Variants in FGF13 observed in about 807,000 individuals in gnomAD.
The protein encoded by FGF13 is fibroblast growth factor 13, also known as fibroblast growth factor homologous factor 2.
FGF13 carries 2 observed loss-of-function variants against 19.5 expected under a neutral mutation model. The ratio of observed to expected loss-of-function variants is 0.10; its 90% CI spans 0.04 to 0.32. The LOEUF is 0.32. Ranked by LOEUF, FGF13 falls within the 10% of genes least tolerant of loss-of-function variation. The pLI, the probability that FGF13 is intolerant of heterozygous loss-of-function variation, is 1.00. For missense variants in FGF13, 113 were observed against 192.7 expected (o/e 0.59, Z 2.45); for synonymous variants, 72 against 76.9 (o/e 0.94, Z 0.33).
chrX:138,908,368 T>C (rs2091570214), intron 1 of FGF13, among the ~76,000 whole-genome samples: 1 of 107,577 alleles, frequency 9.3e-6, no homozygotes, highest in Non-Finnish European at 1.9e-5. Context: ...TGAGCCACCG[T>C]GCCTGGCCAT....
intron 1 of FGF13, among the ~76,000 whole-genome samples, chrX:139,190,490 A>G (rs1197304640): frequency 8.9e-6 from 1 of 111,981 alleles, no homozygotes; most frequent in Non-Finnish European, 1.9e-5. Context: ...CAATGTGGAA[A>G]TGTACTGGGC....
exon 1 of FGF13, chrX:139,203,507 CG>C (rs1299210353): frequency 0.012 from 159 of 13,699 alleles, 1 homozygote; most frequent in African/African-American, 0.023. Flanking sequence ...TGTCGGGTGG[CG>C]GGGGGGGGGA....
chrX:139,141,082 T>TAGATAGAC (rs1556373102), intron 1 of FGF13, among the ~76,000 whole-genome samples: 24 of 101,019 alleles, frequency 2.4e-4, no homozygotes, highest in African/African-American at 9.3e-4. Flanking sequence ...GATAGATAGA[T>TAGATAGAC]AGATAGATAG....
intron 1 of FGF13, among the ~76,000 whole-genome samples, chrX:138,910,876 T>C (rs1244522294): frequency 8.9e-6 from 1 of 111,995 alleles, no homozygotes; most frequent in Non-Finnish European, 1.9e-5. Context: ...AGCCCAGGCT[T>C]TTTCATTTAT....
intron 1 of FGF13, among the ~76,000 whole-genome samples, chrX:138,873,225 A>G (rs995614658): frequency 9.0e-6 from 1 of 110,970 alleles, no homozygotes; most frequent in Admixed American, 9.7e-5. Flanking sequence ...GACCTGCACT[A>G]TAAGGCCAGA....
At chrX:138,697,894 C>T (rs1291207980) in intron 3 of FGF13, among the ~76,000 whole-genome samples, 2 of 110,845 alleles carry the variant, frequency 1.8e-5, no homozygotes, top group Non-Finnish European at 3.8e-5. Flanking sequence ...TTACAAATAG[C>T]TTTATGTTAT....
At chrX:138,681,166 C>CAAA (rs759043580) in intron 3 of FGF13, among the ~76,000 whole-genome samples, 1 of 40,866 alleles carries the variant, frequency 2.4e-5, no homozygotes. Flanking sequence ...AGAGTGAGAC[C>CAAA]AAAAAAAAAA....
chrX:138,885,417 T>C (rs2091446687), intron 1 of FGF13, among the ~76,000 whole-genome samples: 1 of 111,499 alleles, frequency 9.0e-6, no homozygotes, highest in Non-Finnish European at 1.9e-5. Flanking sequence ...AAGGGATAGG[T>C]ACCTCTGCCT....
intron 1 of FGF13, among the ~76,000 whole-genome samples, chrX:139,108,686 A>AT (rs1365623801): frequency 9.1e-6 from 1 of 110,383 alleles, no homozygotes; most frequent in Non-Finnish European, 1.9e-5. Flanking sequence ...TTTAACTTTT[A>AT]TTTTAAGTTC....
chrX:139,149,353 G>A (rs1205007154), intron 1 of FGF13, among the ~76,000 whole-genome samples: 1 of 112,059 alleles, frequency 8.9e-6, no homozygotes, highest in Admixed American at 9.5e-5. Flanking sequence ...GACATCAAAG[G>A]GAGGCCACAT....
At chrX:138,863,368 A>G (rs754003168) in intron 2 of FGF13, among the ~76,000 whole-genome samples, 1 of 111,577 alleles carries the variant, frequency 9.0e-6, no homozygotes, top group South Asian at 3.8e-4. Flanking sequence ...GCATACAGTC[A>G]GCTCCCTCTC....
chrX:138,962,974 C>T (rs2091880607), intron 1 of FGF13, among the ~76,000 whole-genome samples: 1 of 111,003 alleles, frequency 9.0e-6, no homozygotes, highest in Non-Finnish European at 1.9e-5. Flanking sequence ...TGCACATGTA[C>T]CCAAGAACTT....
chrX:138,882,743 C>T (rs986019184), intron 1 of FGF13, among the ~76,000 whole-genome samples: 3 of 111,714 alleles, frequency 2.7e-5, no homozygotes, highest in African/African-American at 9.8e-5. Context: ...CTTTCTTCAA[C>T]AGCCGAACCC....
At chrX:138,652,393 C>A (rs911371157) in intron 3 of FGF13, among the ~76,000 whole-genome samples, 1 of 111,520 alleles carries the variant, frequency 9.0e-6, no homozygotes, top group Non-Finnish European at 1.9e-5. Context: ...TCTGTCTACC[C>A]TCTCTATAAT....
chrX:138,984,874 C>A, intron 1 of FGF13: 1 of 262,138 alleles, frequency 3.8e-6, no homozygotes, highest in Non-Finnish European at 7.3e-6. Flanking sequence ...AGCAATGAGG[C>A]AACACTGTCA....
chrX:138,886,873 C>G (rs1051179624), intron 1 of FGF13, among the ~76,000 whole-genome samples: 7 of 111,872 alleles, frequency 6.3e-5, no homozygotes, highest in Non-Finnish European at 1.3e-4. Flanking sequence ...AACCTGGATT[C>G]AATAGTCACT....
intron 1 of FGF13, among the ~76,000 whole-genome samples, chrX:138,882,005 G>A (rs767944641): frequency 1.1e-3 from 119 of 110,183 alleles, no homozygotes; most frequent in Non-Finnish European, 1.9e-3. Flanking sequence ...TTATTGATTT[G>A]ATATCTTTAT....
intron 3 of FGF13, among the ~76,000 whole-genome samples, chrX:138,829,075 G>C (rs369711147): frequency 2.9e-4 from 33 of 111,895 alleles, no homozygotes; most frequent in East Asian, 2.8e-3. Flanking sequence ...AACTAATGCT[G>C]TTATAACAGG....
intron 3 of FGF13, among the ~76,000 whole-genome samples, chrX:138,766,615 G>C (rs1037752765): frequency 8.9e-6 from 1 of 112,092 alleles, no homozygotes; most frequent in Non-Finnish European, 1.9e-5. Context: ...CAAAGGCATA[G>C]CTGAGATGGC....
Sources: allele counts gnomAD v4.1 joint callset (sites outside exome capture counted in the v4.1 genomes callset), GRCh38; gene constraint gnomAD v4.1.1; transcripts MANE v1.5; gene names NCBI Gene and HGNC (gene_info 2026-07-23, HGNC 2026-07-21).